STXBP5L: variants seen among roughly 807,000 people sequenced by gnomAD.
STXBP5L encodes syntaxin binding protein 5L.
STXBP5L carries 65 observed loss-of-function variants against 144.5 expected under a neutral mutation model. That is an observed-to-expected ratio of 0.45 (90% CI 0.37 to 0.55). The LOEUF is 0.55. Among genes scored for constraint, STXBP5L ranks in the 20% least tolerant of loss-of-function variants. The probability of loss-of-function intolerance (pLI) is 0.00; values close to 1 mark genes in which losing one functional copy is unlikely to be tolerated. For synonymous variants in STXBP5L, 505 were observed against 469.6 expected, an observed-to-expected ratio of 1.08 and a Z score of -0.97; for missense variants, 1,298 against 1,405.5, an observed-to-expected ratio of 0.92 and a Z score of 1.22.
rs2047412983 is a variant in STXBP5L at position 121,424,247 on chromosome 3, C to T, written c.*5150C>T. 6.6e-6 allele frequency: 1 copy of T among 152,228 alleles called. No homozygotes were observed. The highest frequency in any genetic ancestry group is 2.1e-4 in the South Asian group (1 of 4,814). The allele number at this position is 152,228 out of a possible 1,614,324, so 9.4% of individuals were successfully genotyped here. A position where few individuals can be genotyped will look rare whatever the true frequency, so the allele number is the denominator to read the frequency against. ...CTTCCTTTTTGATTGTTATCTCAAT[C>T]AAAAGCTCCCAGGGCCACTTGGATT... On this transcript the variant is annotated 3_prime_UTR_variant, in exon 27 of 27. Coordinates refer to ENST00000471454, the MANE Select transcript of STXBP5L (RefSeq NM_001308330.2).
At chr3:121,036,035 T>A (rs759590533) in intron 3 of STXBP5L, among the ~76,000 whole-genome samples, 10 of 152,150 alleles carry the variant, frequency 6.6e-5, no homozygotes, top group Admixed American at 2.0e-4. Context: ...GAATTACAAT[T>A]TATTTAAAAA....
intron 5 of STXBP5L, among the ~76,000 whole-genome samples, chr3:121,071,349 G>T (rs1238021120): frequency 6.6e-6 from 1 of 152,230 alleles, no homozygotes; most frequent in Non-Finnish European, 1.5e-5. Context: ...AGACTAGTCA[G>T]ATTCTGTTTG....
At chr3:120,919,721 C>G (rs1462202541) in intron 2 of STXBP5L, among the ~76,000 whole-genome samples, 1 of 151,848 alleles carries the variant, frequency 6.6e-6, no homozygotes, top group Non-Finnish European at 1.5e-5. Context: ...ATATATGATT[C>G]TAAACTAGAC....
intron 7 of STXBP5L, among the ~76,000 whole-genome samples, chr3:121,151,178 A>T (rs1012241326): frequency 6.6e-6 from 1 of 152,120 alleles, no homozygotes; most frequent in East Asian, 1.9e-4. Flanking sequence ...AAGTTAAAAC[A>T]TATCTTAGTA....
At chr3:121,084,621 G>A (rs1463644894) in intron 5 of STXBP5L, among the ~76,000 whole-genome samples, 1 of 152,004 alleles carries the variant, frequency 6.6e-6, no homozygotes, top group East Asian at 1.9e-4. Context: ...TGGGCATTTG[G>A]GTTGATTCCA....
rs549330241 is a variant in STXBP5L at position 120,959,692 on chromosome 3, G to C, written c.287+4655G>C. On this transcript the variant is annotated intron_variant, in intron 3 of 26. Transcript: ENST00000471454. ...TATAAATGATGCTGGTGGGAAAACT[G>C]GCTAGCCATATGTAGAAAGCTGAAA... 9.2e-5 allele frequency among the ~76,000 whole-genome samples: 14 copies of C among 152,296 alleles called. No homozygotes were observed. In the South Asian group the frequency reaches 1.9e-3, roughly 20 times the overall value.
chr3:121,005,205 A>C (rs541600453), intron 3 of STXBP5L, among the ~76,000 whole-genome samples: 2 of 152,210 alleles, frequency 1.3e-5, no homozygotes, highest in South Asian at 4.1e-4. Context: ...TTGGTAGGCT[A>C]TTAATTATTG....
intron 20 of STXBP5L, among the ~76,000 whole-genome samples, chr3:121,329,690 A>T (rs551540185): frequency 1.3e-5 from 2 of 152,034 alleles, no homozygotes; most frequent in African/African-American, 4.8e-5. Context: ...GTGAAACCTC[A>T]TCTCTACTAA....
rs762881599 is a variant in STXBP5L, at chr3:121,418,470, T to C, written c.3360T>C (p.Asp1120=). The change falls in exon 26 of 27, where the codon GAT becomes GAC. Residue 1120 remains aspartate, a synonymous_variant. Transcript: ENST00000471454. ...TGACCCGTGCACGGATTGCACTTGA[T>C]GAAAGAGGACAGAGGCTAGGAGAGC... ...GELTRARIAL[D]ERGQRLGELE... The C allele has an allele frequency of 2.0e-5, 33 of 1,614,056 alleles. No homozygotes were observed. Among genetic ancestry groups the C allele is most frequent in the Non-Finnish European group, 2.7e-5 (32 of 1,179,992 alleles).
At chr3:121,127,930 T>C (rs1371032770) in intron 7 of STXBP5L, among the ~76,000 whole-genome samples, 1 of 152,042 alleles carries the variant, frequency 6.6e-6, no homozygotes, top group Non-Finnish European at 1.5e-5. Flanking sequence ...CGTATGATGA[T>C]GTTTTTCCCC....
chr3:121,348,821 T>C, intron 20 of STXBP5L, among the ~76,000 whole-genome samples: 1 of 152,122 alleles, frequency 6.6e-6, no homozygotes, highest in Non-Finnish European at 1.5e-5. Flanking sequence ...TATCATTATT[T>C]ATTGCATCTA....
intron 2 of STXBP5L, among the ~76,000 whole-genome samples, chr3:120,951,096 C>T (rs527729644): frequency 5.1e-4 from 77 of 152,198 alleles, no homozygotes; most frequent in Admixed American, 1.3e-3. Flanking sequence ...AACTGGCTAG[C>T]CATATGTAGA....
chr3:121,016,371 A>T (rs1945148068), intron 3 of STXBP5L, among the ~76,000 whole-genome samples: 1 of 152,220 alleles, frequency 6.6e-6, no homozygotes, highest in African/African-American at 2.4e-5. Context: ...TATACAGGTA[A>T]GCAACATGGA....
Position 121,239,445 on chromosome 3 carries a change from T to C in STXBP5L, c.1332+327T>C, listed in dbSNP as rs2049592227. On this transcript the variant is annotated intron_variant, in intron 13 of 26. Transcript: ENST00000471454. ...CATAAGATGTAACCTTTATTTTAGA[T>C]GAAAAAATATGTTTAAATGTCCAAC... Among the ~76,000 whole-genome samples, 6 of 150,632 alleles carry C rather than the reference T, an allele frequency of 4.0e-5. No homozygotes were observed. The South Asian group carries it at 8.4e-4, about 21-fold the overall frequency.
chr3:121,064,830 T>C (rs2041465455), intron 5 of STXBP5L, among the ~76,000 whole-genome samples: 2 of 152,196 alleles, frequency 1.3e-5, no homozygotes, highest in Non-Finnish European at 2.9e-5. Flanking sequence ...GGGGTATGGA[T>C]CCTGTCGCCC....
chr3:121,095,011 T>C (rs1489381334), intron 5 of STXBP5L, among the ~76,000 whole-genome samples: 1 of 152,174 alleles, frequency 6.6e-6, no homozygotes, highest in African/African-American at 2.4e-5. Flanking sequence ...GTAAAGCATA[T>C]CTGTAAAGCA....
chr3:121,207,975 C>G (rs556278252), intron 10 of STXBP5L, among the ~76,000 whole-genome samples: 1 of 152,008 alleles, frequency 6.6e-6, no homozygotes, highest in South Asian at 2.1e-4. Context: ...CAGCCATCCC[C>G]TTACTGGGTA....
intron 19 of STXBP5L, among the ~76,000 whole-genome samples, chr3:121,296,784 T>C (rs2051668922): frequency 6.6e-6 from 1 of 152,106 alleles, no homozygotes; most frequent in African/African-American, 2.4e-5. Flanking sequence ...TTGAAAGAAT[T>C]TGAAACAACC....
chr3:121,161,240 C>CTTT (rs202218213), intron 9 of STXBP5L, among the ~76,000 whole-genome samples: 2 of 138,974 alleles, frequency 1.4e-5, no homozygotes, highest in African/African-American at 2.6e-5. Flanking sequence ...TTTGCTTTTG[C>CTTT]TTTTTTTTTT....
Sources: gnomAD v4.1 joint callset for allele counts (sites outside exome capture counted in the v4.1 genomes callset) on GRCh38, gnomAD v4.1.1 for gene constraint, MANE v1.5 for transcripts, NCBI Gene and HGNC (gene_info 2026-07-23, HGNC 2026-07-21) for gene names.